Variants in C11orf65 observed in about 807,000 individuals in gnomAD.
The protein encoded by C11orf65 is protein MFI.
A neutral mutation model predicts 35.3 loss-of-function variants in C11orf65; 38 were observed. The observed-to-expected ratio is 1.08, with a 90% CI of 0.83 to 1.41. The LOEUF (loss-of-function observed/expected upper bound fraction) is 1.41, where lower values mean the gene tolerates loss of function less well. Ranked by LOEUF, C11orf65 falls within the 40% of genes most tolerant of loss-of-function variation. The pLI, the probability that C11orf65 is intolerant of heterozygous loss-of-function variation, is 0.00. For synonymous variants in C11orf65, 105 were observed against 114.4 expected (o/e 0.92, Z 0.53); for missense variants, 370 against 367.1 (o/e 1.01, Z -0.06).
chr11:108,308,669 G>A lies in C11orf65; in HGVS notation c.*302C>T, dbSNP rs2083881297. Reference sequence around the variant, plus strand: ...AATCGATGTCTCATAAGTGTGTATGGTGGTGGTAGGGGTGGTTGGTAAAGA... The same window carrying A: ...AATCGATGTCTCATAAGTGTGTATGATGGTGGTAGGGGTGGTTGGTAAAGA... On this transcript the variant is annotated 3_prime_UTR_variant, in exon 7 of 7. Transcript: ENST00000525729. 2.2e-5 allele frequency: 6 copies of A among 274,326 alleles called. No individual in the cohort carries two copies. In the Admixed American group the frequency reaches 2.3e-4, roughly 11 times the overall value. 17.0% of individuals were successfully genotyped at this position (274,326 alleles called of 1,614,324 possible). A position where few individuals can be genotyped will look rare whatever the true frequency, so the allele number is the denominator to read the frequency against.
intron 2 of C11orf65, among the ~76,000 whole-genome samples, chr11:108,375,462 C>G (rs866884606): frequency 1.3e-5 from 2 of 150,508 alleles, no homozygotes; most frequent in African/African-American, 4.8e-5. Context: ...ACCAGGCCTG[C>G]CCTAAAAGAG....
chr11:108,401,357 G>A (rs780173945), intron 6 of C11orf65, among the ~76,000 whole-genome samples: 2 of 151,904 alleles, frequency 1.3e-5, no homozygotes, highest in African/African-American at 2.4e-5. Context: ...TCAGCTGTAC[G>A]TAAGAAAACC....
At chr11:108,400,892 GTCAGGAGT>G (rs1384624097) in intron 6 of C11orf65, among the ~76,000 whole-genome samples, 2 of 152,024 alleles carry the variant, frequency 1.3e-5, no homozygotes, top group Admixed American at 1.3e-4. Context: ...AGATCACAAG[GTCAGGAGT>G]TCAAGACCAG....
intron 2 of C11orf65, among the ~76,000 whole-genome samples, chr11:108,444,473 C>G (rs893017970): frequency 2.6e-5 from 4 of 152,152 alleles, no homozygotes; most frequent in Middle Eastern, 6.3e-3. Context: ...TTTTATGAGG[C>G]CAACATCATC....
At chr11:108,321,232 A>T in intron 6 of C11orf65, 1 of 1,598,868 alleles carries the variant, frequency 6.3e-7, no homozygotes, top group Non-Finnish European at 8.6e-7. Context: ...TTTAACAACA[A>T]ATTTAAACAT....
Position 108,461,548 on chromosome 11 carries a change from T to C in C11orf65, c.12A>G (p.Lys4=). 1 of 1,603,956 alleles carries C rather than the reference T, an allele frequency of 6.2e-7. No individual in the cohort carries two copies. Among genetic ancestry groups the C allele is most frequent in the Non-Finnish European group, 8.5e-7 (1 of 1,174,746 alleles). The change falls in exon 2 of 9, where the codon AAA becomes AAG. Residue 4 remains lysine (K), a synonymous_variant. Coordinates refer to ENST00000393084, the MANE Select transcript of C11orf65 (RefSeq NM_152587.5). ...CCTGCTTTGTAAATTCTGATTCCTC[T>C]TTCCAAGGCATTTGAAATTCCTAAA... MPW[K]EESEFTKQDK...
chr11:108,376,774 A>G (rs1185727114), intron 2 of C11orf65, among the ~76,000 whole-genome samples: 3 of 152,074 alleles, frequency 2.0e-5, no homozygotes, highest in East Asian at 3.8e-4. Context: ...TCAAATAGAC[A>G]CAATAAAAAA....
At chr11:108,450,843 C>A (rs1335783625) in intron 2 of C11orf65, among the ~76,000 whole-genome samples, 1 of 151,806 alleles carries the variant, frequency 6.6e-6, no homozygotes, top group Non-Finnish European at 1.5e-5. Context: ...GGATGCAAGG[C>A]TGGTTCAACG....
At position 108,406,893 on chromosome 11, in the gene C11orf65, C is replaced by G; in HGVS notation, c.299G>C (p.Ser100Thr). 6.2e-7 allele frequency: 1 copy of G among 1,612,734 alleles called. No homozygotes were observed. Among genetic ancestry groups the G allele is most frequent in the Non-Finnish European group, 8.5e-7 (1 of 1,178,994 alleles). ...HRPIEDLCAN[S>T]PRNYAKLPAK... ...TGGAAGTTTTGCATAATTTCTAGGG[C>G]TGTTAGCACAGAGATCTTCAATAGG... Residue 100 changes from serine (S) to threonine (T), a missense_variant, in exon 5 of 9, where the codon AGC (serine) becomes ACC (threonine). Coordinates refer to ENST00000393084, the MANE Select transcript of C11orf65 (RefSeq NM_152587.5).
chr11:108,451,816 C>A (rs927076249), intron 2 of C11orf65, among the ~76,000 whole-genome samples: 34 of 152,158 alleles, frequency 2.2e-4, no homozygotes, highest in Non-Finnish European at 4.4e-4. Context: ...AGATATAGAT[C>A]AATGGAACAG....
At chr11:108,461,458 A>T in intron 2 of C11orf65, 21 bp downstream of exon 2, 1 of 1,551,390 alleles carries the variant, frequency 6.4e-7, no homozygotes, top group East Asian at 2.3e-5. Context: ...ATATTTCAAT[A>T]AAACTTCTAA....
intron 3 of C11orf65, among the ~76,000 whole-genome samples, chr11:108,408,453 T>C (rs1419494134): frequency 1.3e-5 from 2 of 151,800 alleles, no homozygotes; most frequent in Non-Finnish European, 2.9e-5. Context: ...GGAGGGTGGA[T>C]TGTTTGAGGT....
At chr11:108,432,448 G>T (rs1242975996) in intron 2 of C11orf65, among the ~76,000 whole-genome samples, 1 of 152,140 alleles carries the variant, frequency 6.6e-6, no homozygotes, top group East Asian at 1.9e-4. Context: ...ACAGGATTCT[G>T]TAATGGTAAC....
At position 108,332,120 on chromosome 11, in the gene C11orf65, T is replaced by C. The variant is rs1443465486; in HGVS notation, c.300-553A>G. On this transcript the variant is annotated intron_variant, in intron 3 of 3. Transcript: ENST00000524755. ...TATTTCTTTTTAAAATCTTGTGTTA[T>C]TAAGATGCCATCTAAAATCGGTTCA... 1.9e-6 allele frequency: 3 copies of C among 1,539,364 alleles called. No homozygotes were observed. In the East Asian group the frequency reaches 7.2e-5, roughly 37 times the overall value.
intron 7 of C11orf65, among the ~76,000 whole-genome samples, chr11:108,388,507 A>G (rs2092070181): frequency 6.6e-6 from 1 of 152,186 alleles, no homozygotes; most frequent in South Asian, 2.1e-4. Context: ...GAGCTCAGAA[A>G]AAGTCCCTAG....
intron 3 of C11orf65, among the ~76,000 whole-genome samples, chr11:108,430,445 G>A (rs1052049080): frequency 7.9e-5 from 12 of 151,476 alleles, no homozygotes; most frequent in African/African-American, 2.7e-4. Flanking sequence ...AGCCTGAACT[G>A]TATTCTTAAA....
chr11:108,384,443 T>G (rs1443591181), intron 8 of C11orf65, among the ~76,000 whole-genome samples: 1 of 152,172 alleles, frequency 6.6e-6, no homozygotes, highest in Admixed American at 6.5e-5. Context: ...CTTCTTTTAC[T>G]AGTGAAGAAA....
intron 2 of C11orf65, among the ~76,000 whole-genome samples, chr11:108,447,051 G>T (rs985909419): frequency 2.0e-3 from 307 of 152,270 alleles, no homozygotes; most frequent in Non-Finnish European, 2.7e-3. Context: ...ATTACGTAAT[G>T]ATAAAGGGAT....
intron 3 of C11orf65, among the ~76,000 whole-genome samples, chr11:108,423,003 T>C (rs957321023): frequency 6.6e-6 from 1 of 152,208 alleles, no homozygotes; most frequent in African/African-American, 2.4e-5. Context: ...AATATTTTTA[T>C]AACCTTGGAG....
Sources: gnomAD v4.1 joint callset for allele counts (sites outside exome capture counted in the v4.1 genomes callset) on GRCh38, gnomAD v4.1.1 for gene constraint, MANE v1.5 for transcripts, NCBI Gene and HGNC (gene_info 2026-07-23, HGNC 2026-07-21) for gene names.